PLCH1: variants seen among roughly 807,000 people sequenced by gnomAD.
The protein encoded by PLCH1 is 1-phosphatidylinositol 4,5-bisphosphate phosphodiesterase eta-1.
PLCH1 carries 60 observed loss-of-function variants against 126.7 expected under a neutral mutation model. That is an observed-to-expected ratio of 0.47 (90% CI 0.38 to 0.59). The LOEUF is 0.59. Among genes scored for constraint, PLCH1 ranks in the 20% least tolerant of loss-of-function variants. PLCH1 has a pLI of 0.00. For synonymous variants in PLCH1, 719 were observed against 734.9 expected (o/e 0.98, Z 0.35); for missense variants, 1,723 against 2,040.0 (o/e 0.84, Z 2.99).
chr3:155,625,159 A>T (rs1231095736), intron 2 of PLCH1, among the ~76,000 whole-genome samples: 1 of 152,236 alleles, frequency 6.6e-6, no homozygotes, highest in Non-Finnish European at 1.5e-5. Flanking sequence ...TCCTTATTTA[A>T]TAAGTGGTGT....
chr3:155,575,871 G>A (rs2108562280), intron 6 of PLCH1, among the ~76,000 whole-genome samples: 1 of 152,170 alleles, frequency 6.6e-6, no homozygotes, highest in South Asian at 2.1e-4. Flanking sequence ...GACTGATCTT[G>A]AACTCCAGGG....
At chr3:155,633,571 G>A (rs1425147413) in intron 2 of PLCH1, among the ~76,000 whole-genome samples, 2 of 152,098 alleles carry the variant, frequency 1.3e-5, no homozygotes, top group African/African-American at 4.8e-5. Flanking sequence ...CCAGTGTTTG[G>A]CAAGAGGTAA....
At chr3:155,581,192 G>A (rs557825975) in intron 6 of PLCH1, among the ~76,000 whole-genome samples, 1 of 152,270 alleles carries the variant, frequency 6.6e-6, no homozygotes, top group East Asian at 1.9e-4. Flanking sequence ...ATTCACTGGG[G>A]TTCTGTGGTA....
At chr3:155,542,092 A>G (rs1724357348) in intron 10 of PLCH1, among the ~76,000 whole-genome samples, 1 of 152,240 alleles carries the variant, frequency 6.6e-6, no homozygotes, top group Non-Finnish European at 1.5e-5. Context: ...CATTGCCTCA[A>G]TCGGGAAGCG....
At chr3:155,459,118 T>C (rs1560027824) in intron 21 of PLCH1, among the ~76,000 whole-genome samples, 1 of 152,194 alleles carries the variant, frequency 6.6e-6, no homozygotes, top group Admixed American at 6.5e-5. Context: ...AGGTAAGTCT[T>C]TGAATATTAA....
intron 12 of PLCH1, among the ~76,000 whole-genome samples, chr3:155,513,828 C>G (rs896721671): frequency 6.6e-6 from 1 of 152,168 alleles, no homozygotes; most frequent in Non-Finnish European, 1.5e-5. Flanking sequence ...TTATCCTATA[C>G]TCTGGCCAAG....
rs78138972 is a variant in PLCH1 at position 155,558,814 on chromosome 3, A to G, written c.1070-4618T>C. 4.8e-4 allele frequency among the ~76,000 whole-genome samples: 73 copies of G among 152,310 alleles called. No individual in the cohort carries two copies. The East Asian group carries it at 0.012, about 25-fold the overall frequency. On this transcript the variant is annotated intron_variant, in intron 8 of 22. Coordinates refer to ENST00000460012, the MANE Select transcript of PLCH1 (RefSeq NM_014996.4). Reference sequence around the variant, plus strand: ...GAAACCATGGAAAATGAAACCGCAGATAAGAGGAGACTACTATACACACAC... The same window carrying G: ...GAAACCATGGAAAATGAAACCGCAGGTAAGAGGAGACTACTATACACACAC...
intron 21 of PLCH1, among the ~76,000 whole-genome samples, chr3:155,469,093 C>A (rs1413971792): frequency 1.3e-5 from 2 of 152,148 alleles, no homozygotes; most frequent in East Asian, 3.9e-4. Flanking sequence ...CGAATAGGAA[C>A]AGCTCCGGTC....
chr3:155,695,831 T>A (rs927861868), intron 2 of PLCH1, among the ~76,000 whole-genome samples: 3 of 152,200 alleles, frequency 2.0e-5, no homozygotes, highest in Admixed American at 2.0e-4. Context: ...AAGGATGTGT[T>A]CGAAGTTGGC....
intron 2 of PLCH1, among the ~76,000 whole-genome samples, chr3:155,652,958 C>T (rs1370294853): frequency 1.3e-5 from 2 of 152,140 alleles, no homozygotes; most frequent in Non-Finnish European, 2.9e-5. Flanking sequence ...TTAATAGTCC[C>T]ACCTAAGACC....
chr3:155,581,297 A>G (rs555924297), intron 6 of PLCH1, among the ~76,000 whole-genome samples: 16 of 152,352 alleles, frequency 1.1e-4, no homozygotes, highest in Middle Eastern at 3.4e-3. Flanking sequence ...CCACTCAGAT[A>G]TATATTCAAC....
chr3:155,699,880 G>A (rs139022683), intron 2 of PLCH1, among the ~76,000 whole-genome samples: 107 of 139,550 alleles, frequency 7.7e-4, no homozygotes, highest in Non-Finnish European at 1.4e-3. Flanking sequence ...GGGAAATGCA[G>A]CATTTTGCCA....
intron 14 of PLCH1, among the ~76,000 whole-genome samples, chr3:155,499,251 T>C (rs1285472909): frequency 6.6e-6 from 1 of 152,168 alleles, no homozygotes; most frequent in Non-Finnish European, 1.5e-5. Context: ...GATGTTCCCC[T>C]ATAGGAGAAA....
At chr3:155,685,331 T>G (rs1744855449) in intron 2 of PLCH1, among the ~76,000 whole-genome samples, 1 of 152,244 alleles carries the variant, frequency 6.6e-6, no homozygotes, top group Non-Finnish European at 1.5e-5. Context: ...TGGCAGCTAC[T>G]AATGGACAGT....
At position 155,678,694 on chromosome 3, in the gene PLCH1, G is replaced by A. The variant is rs188540327; in HGVS notation, c.79+25452C>T. Reference sequence around the variant, plus strand: ...TGGGGACAATGGTGCTTCCTCTGATGGGTCACCTCAACAACCTTACAGCCT... The same window carrying A: ...TGGGGACAATGGTGCTTCCTCTGATAGGTCACCTCAACAACCTTACAGCCT... On this transcript the variant is annotated intron_variant, in intron 2 of 22. Coordinates refer to ENST00000460012, the MANE Select transcript of PLCH1 (RefSeq NM_014996.4). Among the ~76,000 whole-genome samples the A allele has an allele frequency of 4.5e-4, 68 of 152,198 alleles. 1 individual carries two copies. The highest frequency in any genetic ancestry group is 1.4e-3 in the African/African-American group (59 of 41,524).
chr3:155,718,578 T>C (rs1349653638), intron 1 of PLCH1, among the ~76,000 whole-genome samples: 1 of 152,092 alleles, frequency 6.6e-6, no homozygotes, highest in Admixed American at 6.6e-5. Flanking sequence ...CACAAGAAAC[T>C]CTTACTCATG....
intron 15 of PLCH1, 92 bp downstream of exon 15, chr3:155,497,228 G>T (rs569314490): frequency 5.2e-4 from 456 of 883,858 alleles, no homozygotes; most frequent in Non-Finnish European, 7.2e-4. Context: ...AATGTGTGTT[G>T]ATAATGGGAT....
At chr3:155,506,754 G>C (rs1323448198) in intron 12 of PLCH1, among the ~76,000 whole-genome samples, 32 of 145,234 alleles carry the variant, frequency 2.2e-4, no homozygotes, top group African/African-American at 8.2e-4. Flanking sequence ...GTCTATCATT[G>C]TTGGATATTT....
chr3:155,553,303 G>T (rs1008288171), intron 9 of PLCH1, among the ~76,000 whole-genome samples: 1 of 151,932 alleles, frequency 6.6e-6, no homozygotes, highest in Admixed American at 6.6e-5. Context: ...TTTTAGTAGA[G>T]ACAGGGCTTC....
Sources: gnomAD v4.1 joint callset for allele counts (sites outside exome capture counted in the v4.1 genomes callset) on GRCh38, gnomAD v4.1.1 for gene constraint, MANE v1.5 for transcripts, NCBI Gene and HGNC (gene_info 2026-07-23, HGNC 2026-07-21) for gene names.